The following FAT3 variants were observed in gnomAD, a reference collection of about 807,000 sequenced individuals.
FAT3 encodes the protein protocadherin Fat 3.
In FAT3, 95 loss-of-function variants were observed where a neutral mutation model predicts 310.2. The observed-to-expected ratio is 0.31, with a 90% CI of 0.26 to 0.36. The LOEUF (loss-of-function observed/expected upper bound fraction) is 0.36. Ranked by LOEUF, FAT3 falls within the 10% of genes least tolerant of loss-of-function variation. The probability of loss-of-function intolerance (pLI) is 1.00; values close to 1 mark genes in which losing one functional copy is unlikely to be tolerated. For missense variants in FAT3, 5,408 were observed against 5,715.6 expected, an observed-to-expected ratio of 0.95 and a Z score of 1.74; for synonymous variants, 2,314 against 2,192.9, an observed-to-expected ratio of 1.06 and a Z score of -1.54.
At chr11:92,565,209 C>T (rs1464964384) in intron 3 of FAT3, among the ~76,000 whole-genome samples, 2 of 149,974 alleles carry the variant, frequency 1.3e-5, no homozygotes, top group Non-Finnish European at 3.0e-5. Context: ...GGGGATATCA[C>T]CACCGATCCC....
intron 2 of FAT3, among the ~76,000 whole-genome samples, chr11:92,365,992 G>A (rs1949010778): frequency 6.6e-6 from 1 of 152,228 alleles, no homozygotes; most frequent in Non-Finnish European, 1.5e-5. Flanking sequence ...ACCTGCTAGA[G>A]CCAGCTCTCT....
intron 2 of FAT3, among the ~76,000 whole-genome samples, chr11:92,509,809 A>G (rs193024101): frequency 6.6e-6 from 1 of 152,326 alleles, no homozygotes; most frequent in East Asian, 1.9e-4. Flanking sequence ...ATAATATAGA[A>G]CAAAGGCAAT....
rs187450713 is a variant in FAT3, at chr11:92,799,688, G to A, written c.6675G>A (p.Gly2225=). The A allele has an allele frequency of 7.0e-4, 1,125 of 1,613,282 alleles. 6 individuals are homozygous for A. Among genetic ancestry groups the A allele is most frequent in the South Asian group, 4.3e-3 (393 of 90,936 alleles). ...GQGIIYIIID[G]DPFKQFNIDF... ...GCATCATATATATCATTATCGATGG[G>A]GACCCTTTTAAACAGTTTAACATTG... Residue 2225 remains glycine (G), a synonymous_variant, in exon 10 of 28, where the codon GGG becomes GGA. Coordinates refer to ENST00000525166, the MANE Select transcript of FAT3 (RefSeq NM_001367949.2).
At chr11:92,718,669 T>C (rs183992281) in intron 4 of FAT3, among the ~76,000 whole-genome samples, 1 of 152,324 alleles carries the variant, frequency 6.6e-6, no homozygotes, top group Admixed American at 6.5e-5. Flanking sequence ...GTAAGCTCAG[T>C]AATGACTGAA....
Position 92,387,604 on chromosome 11 carries a change from G to A in FAT3, c.3292+32200G>A, listed in dbSNP as rs990265865. 2.0e-5 allele frequency among the ~76,000 whole-genome samples: 3 copies of A among 152,208 alleles called. No individual in the cohort carries two copies. In the East Asian group the frequency reaches 5.8e-4, roughly 29 times the overall value. The stretch of plus-strand genomic sequence containing the variant: ...CTGTGTCTGTGTGGCTGGATGTAGG[G>A]GTAAGTGACTAAGAAGGAATTAATG... On this transcript the variant is annotated intron_variant, in intron 2 of 27. Transcript: ENST00000525166.
intron 1 of FAT3, among the ~76,000 whole-genome samples, chr11:92,228,921 A>C (rs147060521): frequency 1.3e-5 from 2 of 152,166 alleles, no homozygotes; most frequent in East Asian, 1.9e-4. Context: ...GTAGGGAATC[A>C]TCTGATGGGA....
chr11:92,705,350 A>T (rs200919766), intron 4 of FAT3, among the ~76,000 whole-genome samples: 2 of 56,688 alleles, frequency 3.5e-5, no homozygotes, highest in African/African-American at 1.4e-4. Flanking sequence ...GGTGGTGATG[A>T]TGGTAGTGTG....
chr11:92,671,030 C>T (rs1943112775), intron 3 of FAT3, among the ~76,000 whole-genome samples: 2 of 151,834 alleles, frequency 1.3e-5, no homozygotes, highest in East Asian at 1.9e-4. Context: ...CCTTGGCTCA[C>T]GGTTTTTGTT....
chr11:92,411,425 A>G (rs867574072), intron 2 of FAT3, among the ~76,000 whole-genome samples: 62 of 151,748 alleles, frequency 4.1e-4, no homozygotes, highest in Admixed American at 2.5e-3. Flanking sequence ...AAGTGTGGGG[A>G]GAGATTGTGT....
rs553993421 is a variant in FAT3 at position 92,358,032 on chromosome 11, G to A, written c.3292+2628G>A. ...AAAAAAAATACAGAAAATTATCTGG[G>A]TGTGGTGGTGCACGCCTGTAGTCAC... On this transcript the variant is annotated intron_variant, in intron 2 of 27. Transcript: ENST00000525166. 7.3e-5 allele frequency among the ~76,000 whole-genome samples: 11 copies of A among 151,622 alleles called. No individual in the cohort carries two copies. In the East Asian group the frequency reaches 2.1e-3, roughly 29 times the overall value.
chr11:92,649,932 TTCTC>T (rs2135755121), intron 3 of FAT3, among the ~76,000 whole-genome samples: 1 of 139,010 alleles, frequency 7.2e-6, no homozygotes, highest in East Asian at 2.5e-4. Context: ...TTCTTTCTCT[TTCTC>T]TCCATTTTCT....
At chr11:92,824,803 C>T (rs558166937) in intron 13 of FAT3, among the ~76,000 whole-genome samples, 2 of 151,854 alleles carry the variant, frequency 1.3e-5, no homozygotes, top group Admixed American at 6.6e-5. Flanking sequence ...AAACTAGGCT[C>T]ATAAACTAGA....
chr11:92,230,940 A>C (rs1359218488), intron 1 of FAT3, among the ~76,000 whole-genome samples: 1 of 152,254 alleles, frequency 6.6e-6, no homozygotes, highest in Non-Finnish European at 1.5e-5. Flanking sequence ...TATGCAAGGC[A>C]CTATGAAATA....
chr11:92,689,956 G>A (rs985520909), intron 3 of FAT3, among the ~76,000 whole-genome samples: 1 of 152,184 alleles, frequency 6.6e-6, no homozygotes, highest in African/African-American at 2.4e-5. Context: ...GAGTTAGGAA[G>A]CAGGGCTTGC....
intron 2 of FAT3, among the ~76,000 whole-genome samples, chr11:92,491,094 A>C (rs148878236): frequency 8.2e-4 from 125 of 152,150 alleles, no homozygotes; most frequent in African/African-American, 2.9e-3. Context: ...ACGTTTCCCT[A>C]TGTTAGCAGA....
At chr11:92,803,280 A>T (rs1947415548) in intron 10 of FAT3, among the ~76,000 whole-genome samples, 1 of 152,254 alleles carries the variant, frequency 6.6e-6, no homozygotes, top group Non-Finnish European at 1.5e-5. Flanking sequence ...TAATGAGTAC[A>T]GAGTAGCTTA....
At chr11:92,253,218 C>G (rs1284783038) in intron 1 of FAT3, among the ~76,000 whole-genome samples, 1 of 152,026 alleles carries the variant, frequency 6.6e-6, no homozygotes, top group Non-Finnish European at 1.5e-5. Context: ...CAAGTCTGGC[C>G]AAGTTTCTTG....
chr11:92,814,151 C>G (rs536293343), intron 13 of FAT3, among the ~76,000 whole-genome samples: 3 of 152,284 alleles, frequency 2.0e-5, no homozygotes, highest in African/African-American at 7.2e-5. Flanking sequence ...CAATAAATTT[C>G]TGTTGTTTAT....
chr11:92,862,590 G>A (rs1949145750), intron 21 of FAT3, among the ~76,000 whole-genome samples: 1 of 152,172 alleles, frequency 6.6e-6, no homozygotes, highest in Non-Finnish European at 1.5e-5. Flanking sequence ...AAGGAGGATA[G>A]GGAAAGCTCA....
Sources: allele counts gnomAD v4.1 joint callset (sites outside exome capture counted in the v4.1 genomes callset), GRCh38; gene constraint gnomAD v4.1.1; transcripts MANE v1.5; gene names NCBI Gene and HGNC (gene_info 2026-07-23, HGNC 2026-07-21).